NACA: variants seen among roughly 807,000 people sequenced by gnomAD.
NACA encodes the protein nascent polypeptide-associated complex subunit alpha.
Under a neutral mutation model 86.4 loss-of-function variants are expected in NACA, and 42 were observed. That is an observed-to-expected ratio of 0.49 (90% CI 0.38 to 0.63). NACA has a LOEUF of 0.63. NACA is among the 20% of genes least tolerant of loss of function. The pLI, the probability that NACA is intolerant of heterozygous loss-of-function variation, is 0.00. For missense variants in NACA, 2,157 were observed against 2,483.6 expected (o/e 0.87, Z 2.80); for synonymous variants, 898 against 973.7 (o/e 0.92, Z 1.45).
rs190289763 is a variant in NACA at position 56,713,209 on chromosome 12, A to C, written c.5971-19T>G. On this transcript the variant is annotated intron_variant, in intron 6 of 8. Transcript: ENST00000454682. Reference sequence around the variant, plus strand: ...CTTCGATCTACAGGGTAGAAAATACAGATCCATGTGAGTAGATTAGCAGTC... The same window carrying C: ...CTTCGATCTACAGGGTAGAAAATACCGATCCATGTGAGTAGATTAGCAGTC... 8.1e-6 allele frequency: 13 copies of C among 1,612,848 alleles called. No homozygotes were observed. The African/African-American group carries it at 1.6e-4, about 20-fold the overall frequency.
Position 56,718,847 on chromosome 12 carries a change from A to C in NACA, c.2683T>G (p.Phe895Val). The C allele has an allele frequency of 3.5e-6, 5 of 1,424,594 alleles. No homozygotes were observed. Among genetic ancestry groups the C allele is most frequent in the Non-Finnish European group, 4.7e-6 (5 of 1,061,784 alleles). 88.2% of individuals were successfully genotyped at this position (1,424,594 alleles called of 1,614,324 possible). A position where few individuals can be genotyped will look rare whatever the true frequency, so the allele number is the denominator to read the frequency against. Residue 895 changes from phenylalanine (F) to valine (V), a missense_variant, in exon 3 of 9, where the codon TTC becomes GTC. This residue lies in a region of NACA where 174 missense variants were observed against 217.0 expected (regional missense o/e 0.80). Transcript: ENST00000454682. ...GGAGTAGCTGGACCCTCTTTGGGGA[A>C]GGGCAGATTCACCACTGAAGGAGTG... The part of the protein sequence containing the change: ...TPTPSVVNLP[F>V]PKEGPATPAP...
chr12:56,719,594 C>T lies in NACA; in HGVS notation c.1936G>A (p.Ala646Thr). Residue 646 changes from alanine to threonine, a missense_variant, in exon 3 of 9, where the codon GCT becomes ACT. Physicochemically the swap from Ala to Thr is moderately conservative, Grantham distance 58. This residue lies in a region of NACA where 947 missense variants were observed against 917.9 expected (regional missense o/e 1.03). Coordinates refer to ENST00000454682, the MANE Select transcript of NACA (RefSeq NM_001365896.1). ...LKSSLITPTVAAFPLESADPA... is the reference protein window; with the variant it reads ...LKSSLITPTVTAFPLESADPA... Reference sequence around the variant, plus strand: ...TCAGCACTTTCCAAAGGAAATGCAGCCACTGTTGGGGTAATGAGAGAACTT... The same window carrying T: ...TCAGCACTTTCCAAAGGAAATGCAGTCACTGTTGGGGTAATGAGAGAACTT... 1 of 1,613,912 alleles carries T rather than the reference C, an allele frequency of 6.2e-7. No homozygotes were observed. Among genetic ancestry groups the T allele is most frequent in the Non-Finnish European group, 8.5e-7 (1 of 1,179,862 alleles).
At position 56,716,868 on chromosome 12, in the gene NACA, A is replaced by T. The variant is rs755741755; in HGVS notation, c.4662T>A (p.Thr1554=). 4.6e-6 allele frequency: 6 copies of T among 1,296,470 alleles called. No individual in the cohort carries two copies. In the African/African-American group the frequency reaches 9.6e-5, roughly 21 times the overall value. The allele number at this position is 1,296,470 out of a possible 1,614,324, so 80.3% of individuals were successfully genotyped here. Residue 1554 remains threonine, a synonymous_variant, in exon 3 of 9, where the codon ACT becomes ACA. Transcript: ENST00000454682. ...PKEALIPPAM[T]VPSPKKTPAI... ...CTGGGGTCTTTTTAGGGGAGGGAAC[A>T]GTCATAGCTGGGGGAATGAGGGCCT...
intron 2 of NACA, among the ~76,000 whole-genome samples, chr12:56,722,710 G>T (rs370916043): frequency 3.3e-5 from 2 of 60,806 alleles, no homozygotes; most frequent in South Asian, 1.4e-3. Flanking sequence ...ACAAACCAAA[G>T]AAGACAATTG....
intron 2 of NACA, 41 bp downstream of exon 2, chr12:56,724,411 G>C (rs369977519): frequency 1.3e-6 from 2 of 1,574,200 alleles, no homozygotes; most frequent in Non-Finnish European, 1.7e-6. Flanking sequence ...ATGGCTTTAG[G>C]GTTAATTTTA....
intron 2 of NACA, 78 bp downstream of exon 2, chr12:56,724,373 AT>A (rs771690601): frequency 2.9e-5 from 41 of 1,427,604 alleles, no homozygotes; most frequent in East Asian, 2.0e-4. Context: ...TAAAAAGTGT[AT>A]TTCCCCTTGG....
chr12:56,714,554 T>TCAAC (rs771367088), intron 4 of NACA, 48 bp downstream of exon 4: 3 of 1,610,084 alleles, frequency 1.9e-6, no homozygotes, highest in Non-Finnish European at 2.6e-6. Context: ...GTTGCCCTGA[T>TCAAC]CAACCCTGCT....
chr12:56,719,506 G>T lies in NACA; in HGVS notation c.2024C>A (p.Pro675His), dbSNP rs1162988716. The change falls in exon 3 of 9, where the codon CCT (proline) becomes CAT (histidine). Residue 675 changes from proline to histidine, a missense_variant. This residue lies in a region of NACA where 947 missense variants were observed against 917.9 expected (regional missense o/e 1.03). Coordinates refer to ENST00000454682, the MANE Select transcript of NACA (RefSeq NM_001365896.1). The stretch of plus-strand genomic sequence containing the variant: ...TAAAGAGACAGTTCCTTCTAGAAAA[G>T]GGCTGGCTGTAGTTGTATAAGTTGA... ...GTSTYTTTAS[P>H]FLEGTVSLAP... The T allele has an allele frequency of 3.7e-6, 6 of 1,613,786 alleles. No homozygotes were observed. The highest frequency in any genetic ancestry group is 5.1e-6 in the Non-Finnish European group (6 of 1,179,860).
chr12:56,715,580 T>C (rs1474864075), intron 3 of NACA, among the ~76,000 whole-genome samples: 1 of 152,086 alleles, frequency 6.6e-6, no homozygotes, highest in African/African-American at 2.4e-5. Flanking sequence ...GTTTTCAATG[T>C]CAGATCAATT....
chr12:56,715,309 A>G (rs1332825398), intron 3 of NACA, among the ~76,000 whole-genome samples: 1 of 152,168 alleles, frequency 6.6e-6, no homozygotes, highest in Non-Finnish European at 1.5e-5. Context: ...AATTTCTTTC[A>G]ATTCAAAGGC....
rs1565898074 is a variant in NACA, at chr12:56,720,347, G to C, written c.1183C>G (p.Pro395Ala). The change falls in exon 3 of 9, where the codon CCT becomes GCT. Residue 395 changes from proline to alanine, a missense_variant. Physicochemically the swap from Pro to Ala is conservative, Grantham distance 27. Coordinates refer to ENST00000454682, the MANE Select transcript of NACA (RefSeq NM_001365896.1). ...PSTISSITCSPSGSLNVATSF... is the reference protein window; with the variant it reads ...PSTISSITCSASGSLNVATSF... ...GTAGCTACATTTAAGGAGCCAGAAGGGCTGCAGGTTATGCTAGAGATGGTA... is the reference window on the plus strand; with the variant it reads ...GTAGCTACATTTAAGGAGCCAGAAGCGCTGCAGGTTATGCTAGAGATGGTA... The C allele has an allele frequency of 6.2e-7, 1 of 1,613,944 alleles. No individual in the cohort carries two copies. The highest frequency in any genetic ancestry group is 1.7e-5 in the Admixed American group (1 of 59,996).
Position 56,721,303 on chromosome 12 carries a change from G to A in NACA, c.227C>T (p.Thr76Ile), listed in dbSNP as rs1953568731. The A allele has an allele frequency of 1.2e-6, 2 of 1,612,502 alleles. No homozygotes were observed. Among genetic ancestry groups the A allele is most frequent in the East Asian group, 4.5e-5 (2 of 44,862 alleles). ...PFPSPSTIASTPLEVPFPQSS... is the reference protein window; with the variant it reads ...PFPSPSTIASIPLEVPFPQSS... Reference sequence around the variant, plus strand: ...CTGGGGAAAAGGAACTTCTAAAGGGGTCGAGGCAATAGTAGAGGGGGAAGG... The same window carrying A: ...CTGGGGAAAAGGAACTTCTAAAGGGATCGAGGCAATAGTAGAGGGGGAAGG... Residue 76 changes from threonine (T) to isoleucine (I), a missense_variant, in exon 3 of 9, where the codon ACC (threonine) becomes ATC (isoleucine). By Grantham distance (89) the Thr-to-Ile change is moderately conservative. Coordinates refer to ENST00000454682, the MANE Select transcript of NACA (RefSeq NM_001365896.1).
chr12:56,716,732 G>A lies in NACA; in HGVS notation c.4798C>T (p.Leu1600Phe), dbSNP rs1389460731. The A allele has an allele frequency of 6.4e-6, 9 of 1,396,264 alleles. No individual in the cohort carries two copies. The South Asian group carries it at 8.7e-5, about 14-fold the overall frequency. 86.5% of individuals were successfully genotyped at this position (1,396,264 alleles called of 1,614,324 possible). The change falls in exon 3 of 9, where the codon CTC becomes TTC. Residue 1600 changes from leucine (L) to phenylalanine (F), a missense_variant. Around this residue, in one of 8 missense-constraint regions of NACA, gnomAD observed 797 missense variants for 777.6 expected, o/e 1.02. Coordinates refer to ENST00000454682, the MANE Select transcript of NACA (RefSeq NM_001365896.1). ...GGAGAAGTCACAGCTGGTGGAATGA[G>A]GAGCTCTTTGGGGGATGGGGCCCCT... Reference protein sequence around the residue: ...YKGAPSPKELLIPPAVTSPSP... With the variant: ...YKGAPSPKELFIPPAVTSPSP...
intron 4 of NACA, 64 bp downstream of exon 4, chr12:56,714,538 A>G: frequency 6.2e-7 from 1 of 1,605,320 alleles, no homozygotes; most frequent in South Asian, 1.1e-5. Flanking sequence ...AGTTCCAAAT[A>G]CAAAAGTTGC....
At chr12:56,722,146 A>C (rs1953591016) in intron 2 of NACA, among the ~76,000 whole-genome samples, 1 of 152,230 alleles carries the variant, frequency 6.6e-6, no homozygotes, top group Non-Finnish European at 1.5e-5. Flanking sequence ...TCAAGTATTA[A>C]AGTCACTTAG....
chr12:56,717,655 A>C lies in NACA; in HGVS notation c.3875T>G (p.Val1292Gly). The C allele has an allele frequency of 9.1e-7, 1 of 1,100,314 alleles. No homozygotes were observed. Among genetic ancestry groups the C allele is most frequent in the Non-Finnish European group, 1.1e-6 (1 of 898,502 alleles). 68.2% of individuals were successfully genotyped at this position (1,100,314 alleles called of 1,614,324 possible). A position where few individuals can be genotyped will look rare whatever the true frequency, so the allele number is the denominator to read the frequency against. ...GCCTCCTTTTGGAGAGGGAGGAGTT[A>C]CAACTGCGGGATTGGGGGCCCCTTT... ...PHKGAPNPAV[V>G]TPPSPKGGPA... is the part of the protein sequence containing the mutation. The change falls in exon 3 of 9, where the codon GTA becomes GGA. Residue 1292 changes from valine to glycine, a missense_variant. Coordinates refer to ENST00000454682, the MANE Select transcript of NACA (RefSeq NM_001365896.1).
rs778679237 is a variant in NACA at position 56,713,732 on chromosome 12, C to T, written c.5824-49G>A. 3.8e-6 allele frequency: 6 copies of T among 1,571,778 alleles called. No homozygotes were observed. In the East Asian group the frequency reaches 1.3e-4, roughly 35 times the overall value. On this transcript the variant is annotated intron_variant, in intron 5 of 8. Transcript: ENST00000454682. ...GGTTTTCAACCTCTTTAGAAGCAGC[C>T]TAAAGAAGCAAGGAACATAATACAA...
At position 56,716,625 on chromosome 12, in the gene NACA, C is replaced by A. The variant is rs1159604529; in HGVS notation, c.4905G>T (p.Gly1635=). 2.1e-6 allele frequency: 3 copies of A among 1,447,986 alleles called. No homozygotes were observed. In the African/African-American group the frequency reaches 4.2e-5, roughly 20 times the overall value. 89.7% of individuals were successfully genotyped at this position (1,447,986 alleles called of 1,614,324 possible). ...GAGTCACAGGTGGGGAAGTGGGAGT[C>A]CCTTTGGGGGCTGGAGTTGCTGGGC... ...EKGPATPAPK[G]TPTSPPVTPS... Residue 1635 remains glycine (G), a synonymous_variant, in exon 3 of 9, where the codon GGG becomes GGT. Transcript: ENST00000454682.
Position 56,721,286 on chromosome 12 carries a change from A to G in NACA, c.244T>C (p.Phe82Leu). 1 of 1,613,044 alleles carries G rather than the reference A, an allele frequency of 6.2e-7. No homozygotes were observed. The highest frequency in any genetic ancestry group is 8.5e-7 in the Non-Finnish European group (1 of 1,179,516). ...TIASTPLEVP[F>L]PQSSSGTALP... is the part of the protein sequence containing the mutation. ...GCTGTTCCAGAGGATGACTGGGGAA[A>G]AGGAACTTCTAAAGGGGTCGAGGCA... The change falls in exon 3 of 9, where the codon TTT (phenylalanine) becomes CTT (leucine). Residue 82 changes from phenylalanine (F) to leucine (L), a missense_variant. Physicochemically the swap from Phe to Leu is conservative, Grantham distance 22 (BLOSUM62 0). Transcript: ENST00000454682.
Sources: allele counts gnomAD v4.1 joint callset (sites outside exome capture counted in the v4.1 genomes callset), GRCh38; gene constraint gnomAD v4.1.1; regional missense constraint gnomAD v4.1.1; transcripts MANE v1.5; gene names NCBI Gene and HGNC (gene_info 2026-07-23, HGNC 2026-07-21).